Variants in PCDH15 observed in about 807,000 individuals in gnomAD.
The protein encoded by PCDH15 is protocadherin related 15, also known as protocadherin-15.
Under a neutral mutation model 178.5 loss-of-function variants are expected in PCDH15, and 129 were observed. That is an observed-to-expected ratio of 0.72 (90% confidence interval 0.63 to 0.84). The LOEUF (loss-of-function observed/expected upper bound fraction) is 0.84, where lower values mean the gene tolerates loss of function less well. PCDH15 is among the 40% of genes least tolerant of loss of function. The pLI is 0.00. For synonymous variants in PCDH15, 800 were observed against 732.0 expected, an observed-to-expected ratio of 1.09 and a Z score of -1.50; for missense variants, 2,230 against 2,099.9, an observed-to-expected ratio of 1.06 and a Z score of -1.21.
In PCDH15 at chr10:54,295,633, C is replaced by A. The variant is rs960688309; in HGVS notation, c.876+21638G>T. 6.6e-4 allele frequency among the ~76,000 whole-genome samples: 100 copies of A among 152,212 alleles called. 1 individual carries two copies. Among genetic ancestry groups the A allele is most frequent in the Non-Finnish European group, 9.7e-4 (66 of 68,034 alleles). Reference sequence around the variant, plus strand: ...AATGAAGAAACTCCGGACATACCATCTTTAAGACCTGTAACATTCACTGTG... The same window carrying A: ...AATGAAGAAACTCCGGACATACCATATTTAAGACCTGTAACATTCACTGTG... On this transcript the variant is annotated intron_variant, in intron 8 of 37. Coordinates refer to ENST00000644397, the MANE Select transcript of PCDH15 (RefSeq NM_001384140.1).
At chr10:54,901,725 A>T (rs1954642575) in intron 2 of PCDH15, among the ~76,000 whole-genome samples, 1 of 152,164 alleles carries the variant, frequency 6.6e-6, no homozygotes, top group African/African-American at 2.4e-5. Flanking sequence ...ACTGAAAATG[A>T]CTTGATAATG....
intron 9 of PCDH15, among the ~76,000 whole-genome samples, chr10:54,223,465 T>C (rs893778781): frequency 5.9e-5 from 6 of 102,144 alleles, no homozygotes; most frequent in African/African-American, 1.9e-4. Context: ...CGGATTGAAG[T>C]TTATTTGTTT....
At chr10:55,308,418 G>A (rs1177099466) in intron 1 of PCDH15, among the ~76,000 whole-genome samples, 4 of 152,122 alleles carry the variant, frequency 2.6e-5, no homozygotes, top group Admixed American at 6.6e-5. Flanking sequence ...GACTGGCAAA[G>A]GAATAATGCA....
intron 2 of PCDH15, among the ~76,000 whole-genome samples, chr10:54,628,619 C>T (rs886280883): frequency 5.9e-5 from 9 of 152,014 alleles, no homozygotes; most frequent in Admixed American, 5.9e-4. Flanking sequence ...AATTATTATA[C>T]GTGATTAATT....
At chr10:55,219,666 T>C (rs1840813092) in intron 1 of PCDH15, among the ~76,000 whole-genome samples, 1 of 151,846 alleles carries the variant, frequency 6.6e-6, no homozygotes, top group African/African-American at 2.4e-5. Flanking sequence ...ACAAAAGTTT[T>C]AAGGAAAATT....
chr10:54,578,358 T>C (rs532885433), intron 2 of PCDH15, among the ~76,000 whole-genome samples: 1 of 152,192 alleles, frequency 6.6e-6, no homozygotes, highest in South Asian at 2.1e-4. Flanking sequence ...CATTATAACA[T>C]TGTGACATTT....
rs1841636850 is a variant in PCDH15, at chr10:55,244,513, A to C, written c.-156+75086T>G. On this transcript the variant is annotated intron_variant, in intron 1 of 5. Coordinates refer to the PCDH15 transcript ENST00000458638. ...GAATTCGTATCTCTGAAAGAAGGGCAAGAAAATATGCAGTCTTCACAGTTT... is the reference window on the plus strand; with the variant it reads ...GAATTCGTATCTCTGAAAGAAGGGCCAGAAAATATGCAGTCTTCACAGTTT... 2.0e-5 allele frequency among the ~76,000 whole-genome samples: 3 copies of C among 152,000 alleles called. No individual in the cohort carries two copies. In the South Asian group the frequency reaches 6.2e-4, roughly 31 times the overall value.
chr10:54,348,556 T>C (rs1943683955), intron 5 of PCDH15, among the ~76,000 whole-genome samples: 2 of 152,228 alleles, frequency 1.3e-5, no homozygotes, highest in African/African-American at 4.8e-5. Context: ...TACTTTGATA[T>C]TTTTATTACC....
intron 2 of PCDH15, among the ~76,000 whole-genome samples, chr10:55,587,667 T>C (rs1378120320): frequency 6.6e-6 from 1 of 152,198 alleles, no homozygotes; most frequent in Non-Finnish European, 1.5e-5. Flanking sequence ...ATAATAACTT[T>C]AAAGAATACA....
At chr10:55,463,513 G>A (rs1358597230) in intron 2 of PCDH15, among the ~76,000 whole-genome samples, 2 of 152,020 alleles carry the variant, frequency 1.3e-5, no homozygotes, top group African/African-American at 4.8e-5. Flanking sequence ...AATTAGCCAG[G>A]TGCAGTGGTA....
chr10:54,623,244 C>A (rs1269216019), intron 2 of PCDH15, among the ~76,000 whole-genome samples: 2 of 152,108 alleles, frequency 1.3e-5, no homozygotes, highest in Non-Finnish European at 2.9e-5. Context: ...CCTAGGCTGT[C>A]TATTGGTCTT....
chr10:54,495,289 A>G (rs935473009), intron 3 of PCDH15, among the ~76,000 whole-genome samples: 1 of 152,192 alleles, frequency 6.6e-6, no homozygotes, highest in Non-Finnish European at 1.5e-5. Flanking sequence ...ATGAAGCAGT[A>G]TGATAAAGTA....
At chr10:54,533,047 T>A (rs1226869312) in intron 2 of PCDH15, among the ~76,000 whole-genome samples, 1 of 152,188 alleles carries the variant, frequency 6.6e-6, no homozygotes, top group Non-Finnish European at 1.5e-5. Flanking sequence ...CCTGAACTGG[T>A]AAATAATTAT....
At chr10:55,168,948 T>G (rs978003373) in intron 1 of PCDH15, among the ~76,000 whole-genome samples, 1 of 152,212 alleles carries the variant, frequency 6.6e-6, no homozygotes, top group African/African-American at 2.4e-5. Flanking sequence ...AACAAATAAT[T>G]TATGTTTATA....
At chr10:54,159,642 T>C (rs1447933988) in intron 13 of PCDH15, among the ~76,000 whole-genome samples, 2 of 152,176 alleles carry the variant, frequency 1.3e-5, no homozygotes, top group Non-Finnish European at 2.9e-5. Flanking sequence ...AGGATTATTG[T>C]GCTTCGAGAT....
intron 2 of PCDH15, among the ~76,000 whole-genome samples, chr10:54,575,643 C>T (rs992891543): frequency 1.3e-5 from 2 of 148,382 alleles, no homozygotes; most frequent in Non-Finnish European, 3.0e-5. Flanking sequence ...GCTTACTCTA[C>T]AGTGCAGGTA....
At chr10:54,876,305 T>C (rs894943257) in intron 3 of PCDH15, among the ~76,000 whole-genome samples, 2 of 152,150 alleles carry the variant, frequency 1.3e-5, no homozygotes, top group Admixed American at 6.6e-5. Flanking sequence ...AGACCTCTGA[T>C]GTGGATGTAC....
At chr10:54,640,818 A>G (rs984489251) in intron 2 of PCDH15, among the ~76,000 whole-genome samples, 2 of 152,082 alleles carry the variant, frequency 1.3e-5, no homozygotes, top group African/African-American at 4.8e-5. Flanking sequence ...AAAAAGTACA[A>G]ACAGGCCAGG....
chr10:54,503,475 T>G (rs1009383491), intron 3 of PCDH15, among the ~76,000 whole-genome samples: 1 of 150,794 alleles, frequency 6.6e-6, no homozygotes, highest in African/African-American at 2.4e-5. Flanking sequence ...AAGTGGGATA[T>G]TGCAGCCAGA....
Sources: allele counts gnomAD v4.1 joint callset (sites outside exome capture counted in the v4.1 genomes callset), GRCh38; gene constraint gnomAD v4.1.1; transcripts MANE v1.5; gene names NCBI Gene and HGNC (gene_info 2026-07-23, HGNC 2026-07-21).